Variants in REDIC1 observed in about 807,000 individuals in gnomAD.
The protein encoded by REDIC1 is regulator of DNA class I crossover intermediates 1, also known as HEI10 Interacting Protein 1.
At chr12:39,788,590 A>G in the REDIC1 span, 1 of 152,184 alleles carries the variant, frequency 6.6e-6, no homozygotes, top group African/African-American at 2.4e-5. Flanking sequence ...GACTGCAGGA[A>G]ACTGAAACTG....
At chr12:39,717,556 G>C in the REDIC1 span, among the ~76,000 whole-genome samples, 1 of 151,958 alleles carries the variant, frequency 6.6e-6, no homozygotes, top group Non-Finnish European at 1.5e-5. Context: ...TGGTAGCATA[G>C]GCAGAAGAGG....
At chr12:39,882,716 A>G in the REDIC1 span, among the ~76,000 whole-genome samples, 1 of 152,160 alleles carries the variant, frequency 6.6e-6, no homozygotes, top group Non-Finnish European at 1.5e-5. Flanking sequence ...CGACCAGTCT[A>G]CATTGATTCA....
the REDIC1 span, among the ~76,000 whole-genome samples, chr12:39,806,751 G>T: frequency 3.3e-5 from 5 of 152,170 alleles, no homozygotes; most frequent in African/African-American, 9.7e-5. Flanking sequence ...AACATGGGTT[G>T]CTATGTTTTG....
the REDIC1 span, among the ~76,000 whole-genome samples, chr12:39,837,963 C>G: frequency 2.0e-5 from 3 of 150,998 alleles, no homozygotes; most frequent in Non-Finnish European, 4.4e-5. Flanking sequence ...ACTAGAAATA[C>G]CATTTGACCC....
At chr12:39,737,091 A>G in the REDIC1 span, among the ~76,000 whole-genome samples, 1,616 of 152,230 alleles carry the variant, frequency 0.011, 27 homozygotes, top group African/African-American at 0.036. Context: ...GTTCTGCACT[A>G]CTTTTTGTTT....
the REDIC1 span, among the ~76,000 whole-genome samples, chr12:39,653,592 C>CT: frequency 8.8e-5 from 2 of 22,772 alleles, no homozygotes; most frequent in East Asian, 8.3e-4. Context: ...CTTCTTCTTC[C>CT]TCTTCTTCTT....
At chr12:39,665,412 G>C in the REDIC1 span, among the ~76,000 whole-genome samples, 1 of 151,902 alleles carries the variant, frequency 6.6e-6, no homozygotes, top group African/African-American at 2.4e-5. Flanking sequence ...TGAGGGCTCT[G>C]TTCTGTTCCA....
the REDIC1 span, among the ~76,000 whole-genome samples, chr12:39,761,842 T>G: frequency 2.0e-5 from 3 of 152,126 alleles, no homozygotes; most frequent in African/African-American, 7.2e-5. Flanking sequence ...CAAACCCAGT[T>G]TGACTTTTAA....
At chr12:39,790,113 C>T in the REDIC1 span, among the ~76,000 whole-genome samples, 4 of 95,208 alleles carry the variant, frequency 4.2e-5, no homozygotes, top group South Asian at 4.7e-4. Flanking sequence ...AGATTCTGTG[C>T]ATTCTTTTGT....
chr12:39,870,287 AT>A, the REDIC1 span, among the ~76,000 whole-genome samples: 1 of 152,164 alleles, frequency 6.6e-6, no homozygotes, highest in African/African-American at 2.4e-5. Context: ...AGCAGCTATT[AT>A]CTCTTCTTAG....
chr12:39,711,727 G>GTATGTGTATGTGTGTATA, the REDIC1 span, among the ~76,000 whole-genome samples: 1 of 12,170 alleles, frequency 8.2e-5, no homozygotes, highest in African/African-American at 1.6e-4. Context: ...GTATGCACAT[G>GTATGTGTATGTGTGTATA]CATGTGTGTA....
At chr12:39,896,256 GTATATGTGTGTATATATGTATA>G in the REDIC1 span, among the ~76,000 whole-genome samples, 301 of 88,854 alleles carry the variant, frequency 3.4e-3, 1 homozygote, top group Non-Finnish European at 5.9e-3. Flanking sequence ...ATACATGTAT[GTATATGTGTGTATATATGTATA>G]CATGTATGTA....
the REDIC1 span, among the ~76,000 whole-genome samples, chr12:39,790,333 T>C: frequency 6.6e-6 from 1 of 150,512 alleles, no homozygotes; most frequent in Admixed American, 6.6e-5. Context: ...ACGCGTCATC[T>C]AGCATTAGGT....
At chr12:39,840,035 T>C in the REDIC1 span, among the ~76,000 whole-genome samples, 1 of 151,808 alleles carries the variant, frequency 6.6e-6, no homozygotes, top group African/African-American at 2.4e-5. Flanking sequence ...TTTTTTTTTG[T>C]TTTGTTTTGT....
chr12:39,697,869 AAAC>A, the REDIC1 span, among the ~76,000 whole-genome samples: 1 of 152,212 alleles, frequency 6.6e-6, no homozygotes, highest in African/African-American at 2.4e-5. Flanking sequence ...AACGGCCAAA[AAAC>A]AGATAACAAA....
At chr12:39,722,643 C>T in the REDIC1 span, among the ~76,000 whole-genome samples, 2 of 152,046 alleles carry the variant, frequency 1.3e-5, no homozygotes, top group Admixed American at 1.3e-4. Context: ...ATTGAAAGTA[C>T]ATTAATTATG....
At chr12:39,761,836 C>A in the REDIC1 span, among the ~76,000 whole-genome samples, 1 of 152,012 alleles carries the variant, frequency 6.6e-6, no homozygotes, top group Non-Finnish European at 1.5e-5. Flanking sequence ...TAACAGCAAA[C>A]CCAGTTTGAC....
At chr12:39,781,783 G>A in the REDIC1 span, among the ~76,000 whole-genome samples, 9 of 152,186 alleles carry the variant, frequency 5.9e-5, no homozygotes, top group Non-Finnish European at 1.2e-4. Flanking sequence ...TCTTTAGAAT[G>A]GGTGGAAAGG....
chr12:39,698,510 A>T, the REDIC1 span, among the ~76,000 whole-genome samples: 2 of 152,222 alleles, frequency 1.3e-5, no homozygotes, highest in African/African-American at 4.8e-5. Context: ...AAAGATATTT[A>T]CAGAACATTT....
Sources: gnomAD v4.1 joint callset for allele counts (sites outside exome capture counted in the v4.1 genomes callset) on GRCh38, gnomAD v4.1.1 for gene constraint, MANE v1.5 for transcripts, NCBI Gene and HGNC (gene_info 2026-07-23, HGNC 2026-07-21) for gene names.